MGLL: variants seen among roughly 807,000 people sequenced by gnomAD.
MGLL encodes monoglyceride lipase, also known as lysophospholipase homolog.
In MGLL, 7 loss-of-function variants were observed where a neutral mutation model predicts 29.1. The ratio of observed to expected loss-of-function variants is 0.24; its 90% confidence interval spans 0.14 to 0.45. The LOEUF is 0.45. Ranked by LOEUF, MGLL falls within the 20% of genes least tolerant of loss-of-function variation. The pLI is 0.99. For missense variants in MGLL, 356 were observed against 413.6 expected (o/e 0.86, Z 1.21); for synonymous variants, 148 against 168.3 (o/e 0.88, Z 0.93).
intron 3 of MGLL, among the ~76,000 whole-genome samples, chr3:127,753,446 C>A (rs1703393166): frequency 6.6e-6 from 1 of 152,254 alleles, no homozygotes; most frequent in Non-Finnish European, 1.5e-5. Context: ...CACAAAATGG[C>A]CCTTGCCCAT....
chr3:127,692,037 T>C lies in MGLL; in HGVS notation c.*161A>G. The C allele has an allele frequency of 2.0e-6, 2 of 1,002,354 alleles. No homozygotes were observed. Among genetic ancestry groups the C allele is most frequent in the Non-Finnish European group, 2.9e-6 (2 of 697,144 alleles). The allele number at this position is 1,002,354 out of a possible 1,614,324, so 62.1% of individuals were successfully genotyped here. ...GTCCAGTGTCTGATAGTCTAATGTA[T>C]AACAAAAATGTCTGTTATTTTTTAG... On this transcript the variant is annotated 3_prime_UTR_variant, in exon 8 of 8. Transcript: ENST00000265052.
intron 7 of MGLL, among the ~76,000 whole-genome samples, chr3:127,693,113 G>A (rs1349328505): frequency 2.6e-5 from 4 of 152,190 alleles, no homozygotes; most frequent in East Asian, 1.9e-4. Context: ...TCAGTGCGAC[G>A]CTAATGGGCA....
At chr3:127,716,731 C>T (rs2075823092) in intron 5 of MGLL, among the ~76,000 whole-genome samples, 1 of 152,230 alleles carries the variant, frequency 6.6e-6, no homozygotes, top group Admixed American at 6.5e-5. Context: ...ATTACAGATG[C>T]TGTTTCCTAA....
In MGLL at chr3:127,721,163, C is replaced by T; in HGVS notation, c.400G>A (p.Gly134Arg). Residue 134 changes from glycine (G) to arginine (R), a missense_variant and splice_region_variant, in exon 5 of 8, where the codon GGA (glycine) becomes AGA (arginine). Gly to Arg is a moderately radical substitution (Grantham distance 125). Transcript: ENST00000265052. ...LPVFLLGHSMGGAIAILTAAE... is the reference protein window; with the variant it reads ...LPVFLLGHSMRGAIAILTAAE... ...GCCGTGAGGATGGCGATGGCGCCTC[C>T]CTGTAATGCAGAATGGGCAGAGCTG... 1 of 1,613,816 alleles carries T rather than the reference C, an allele frequency of 6.2e-7. No homozygotes were observed. Among genetic ancestry groups the T allele is most frequent in the Non-Finnish European group, 8.5e-7 (1 of 1,179,764 alleles).
chr3:127,809,638 T>TTA (rs71815014), intron 2 of MGLL, among the ~76,000 whole-genome samples: 2 of 143,378 alleles, frequency 1.4e-5, no homozygotes, highest in Non-Finnish European at 3.1e-5. Context: ...AAAACAACAA[T>TTA]AAAAAAAAAA....
intron 3 of MGLL, among the ~76,000 whole-genome samples, chr3:127,753,315 C>A (rs2076593141): frequency 6.6e-6 from 1 of 152,186 alleles, no homozygotes; most frequent in African/African-American, 2.4e-5. Context: ...CAAAGCAGAC[C>A]ATAGTGACGA....
intron 2 of MGLL, among the ~76,000 whole-genome samples, chr3:127,786,294 C>A (rs2077212166): frequency 6.6e-6 from 1 of 152,240 alleles, no homozygotes; most frequent in South Asian, 2.1e-4. Flanking sequence ...GTGGTTGGTT[C>A]CTGCCCTTCT....
chr3:127,782,461 C>T (rs1237467853), intron 2 of MGLL, among the ~76,000 whole-genome samples: 1 of 152,142 alleles, frequency 6.6e-6, no homozygotes, highest in Non-Finnish European at 1.5e-5. Context: ...ATTTCTTCGC[C>T]TGTAACATGG....
chr3:127,748,342 CAG>C (rs757568043), intron 3 of MGLL, among the ~76,000 whole-genome samples: 35 of 150,708 alleles, frequency 2.3e-4, no homozygotes, highest in Non-Finnish European at 3.7e-4. Context: ...GATCATTCCC[CAG>C]AGAGAGAGAG....
rs757569359 is a variant in MGLL, at chr3:127,821,790, G to T, written c.59C>A (p.Thr20Asn). The change falls in exon 2 of 8, where the codon ACC (threonine) becomes AAC (asparagine). Residue 20 changes from threonine (T) to asparagine (N), a missense_variant. Thr to Asn is a moderately conservative substitution (Grantham distance 65). Transcript: ENST00000265052. ...GTCCTGGTAGGGAATGCTCTGCGGG[G>T]TCCGCCTGGGGGAACTTTCCTCTGG... is the stretch of plus-strand genomic sequence containing the variant. ...SMPEESSPRR[T>N]PQSIPYQDLP... The T allele has an allele frequency of 1.9e-6, 3 of 1,614,144 alleles. No individual in the cohort carries two copies. The highest frequency in any genetic ancestry group is 2.5e-6 in the Non-Finnish European group (3 of 1,179,998).
intron 3 of MGLL, among the ~76,000 whole-genome samples, chr3:127,729,725 C>T (rs762412075): frequency 1.3e-5 from 2 of 152,194 alleles, no homozygotes; most frequent in Non-Finnish European, 2.9e-5. Context: ...TGGATTTCTG[C>T]TCAGCTCCAC....
Position 127,735,950 on chromosome 3 carries a change from G to A in MGLL, c.263-13384C>T, listed in dbSNP as rs566618031. ...TTCAGTTAGAATCCTGGCTCTCTTA[G>A]AGTGCAAGCGTTAAACCATCTTTCG... On this transcript the variant is annotated intron_variant, in intron 3 of 7. Transcript: ENST00000265052. 262 of 1,473,084 alleles carry A rather than the reference G, an allele frequency of 1.8e-4. 1 individual carries two copies. The South Asian group carries it at 2.5e-3, about 14-fold the overall frequency. 91.3% of individuals were successfully genotyped at this position (1,473,084 alleles called of 1,614,324 possible). A position where few individuals can be genotyped will look rare whatever the true frequency, so the allele number is the denominator to read the frequency against.
In MGLL at chr3:127,710,646, A is replaced by G; in HGVS notation, c.530T>C (p.Leu177Pro). ...TTFKVLAAKV[L>P]NLVLPNLSLG... ...GGACAAGTTTGGCAGCACAAGGTTG[A>G]GCACTTTCGCAGCAAGGACCTAGCC... Residue 177 changes from leucine to proline, a missense_variant, in exon 6 of 8, where the codon CTC (leucine) becomes CCC (proline). By Grantham distance (98) the Leu-to-Pro change is moderately conservative. Coordinates refer to ENST00000265052, the MANE Select transcript of MGLL (RefSeq NM_007283.7). The G allele has an allele frequency of 6.4e-7, 1 of 1,572,642 alleles. No individual in the cohort carries two copies. The highest frequency in any genetic ancestry group is 8.6e-7 in the Non-Finnish European group (1 of 1,158,012).
At chr3:127,734,387 C>G (rs937470437) in intron 3 of MGLL, among the ~76,000 whole-genome samples, 1 of 152,208 alleles carries the variant, frequency 6.6e-6, no homozygotes, top group African/African-American at 2.4e-5. Context: ...ATGGAAGCAT[C>G]GCCCACTGCC....
chr3:127,767,869 A>G (rs2076885433), intron 3 of MGLL, among the ~76,000 whole-genome samples: 2 of 152,240 alleles, frequency 1.3e-5, no homozygotes, highest in Admixed American at 1.3e-4. Context: ...TACATGCTAT[A>G]TGCCAGAACC....
chr3:127,774,365 C>A (rs2076997822), intron 3 of MGLL, among the ~76,000 whole-genome samples: 1 of 152,238 alleles, frequency 6.6e-6, no homozygotes, highest in African/African-American at 2.4e-5. Context: ...CTGCCTCTTG[C>A]CTCCCCTGCA....
chr3:127,787,855 G>C (rs1256797271), intron 2 of MGLL, among the ~76,000 whole-genome samples: 1 of 152,212 alleles, frequency 6.6e-6, no homozygotes, highest in Non-Finnish European at 1.5e-5. Flanking sequence ...TCTGCCGTCC[G>C]GGCTGCGTGT....
intron 2 of MGLL, 86 bp downstream of exon 2, chr3:127,821,607 GC>G (rs2077861467): frequency 6.6e-7 from 1 of 1,518,072 alleles, no homozygotes; most frequent in African/African-American, 1.4e-5. Flanking sequence ...AAGCGGCCCC[GC>G]CCCAGATGGC....
intron 3 of MGLL, among the ~76,000 whole-genome samples, chr3:127,762,709 A>G (rs2076787330): frequency 6.6e-6 from 1 of 152,154 alleles, no homozygotes; most frequent in African/African-American, 2.4e-5. Flanking sequence ...GGACCATCAA[A>G]TGAGAGCAGT....
Sources: gnomAD v4.1 joint callset for allele counts (sites outside exome capture counted in the v4.1 genomes callset) on GRCh38, gnomAD v4.1.1 for gene constraint, MANE v1.5 for transcripts, NCBI Gene and HGNC (gene_info 2026-07-23, HGNC 2026-07-21) for gene names.